ZNF407: variants seen among roughly 807,000 people sequenced by gnomAD.
ZNF407 encodes zinc finger protein 407.
ZNF407 carries 17 observed loss-of-function variants against 131.2 expected under a neutral mutation model. The observed-to-expected ratio is 0.13, with a 90% CI of 0.09 to 0.19. ZNF407 has a LOEUF of 0.19. Ranked by LOEUF, ZNF407 falls within the 10% of genes least tolerant of loss-of-function variation. The probability of loss-of-function intolerance (pLI) is 1.00; values close to 1 mark genes in which losing one functional copy is unlikely to be tolerated. For missense variants in ZNF407, 2,681 were observed against 2,830.6 expected, an observed-to-expected ratio of 0.95 and a Z score of 1.20; for synonymous variants, 1,156 against 1,062.0, an observed-to-expected ratio of 1.09 and a Z score of -1.72.
At chr18:74,810,307 T>C (rs529859522) in intron 4 of ZNF407, among the ~76,000 whole-genome samples, 8 of 151,704 alleles carry the variant, frequency 5.3e-5, no homozygotes, top group Non-Finnish European at 1.0e-4. Flanking sequence ...ATTTTAAATC[T>C]GAGTGCCAAA....
chr18:74,814,878 A>G (rs753843440), intron 4 of ZNF407, among the ~76,000 whole-genome samples: 1 of 152,146 alleles, frequency 6.6e-6, no homozygotes, highest in Middle Eastern at 3.4e-3. Flanking sequence ...TTGTTATGCT[A>G]AAGTAGAGAT....
At chr18:74,706,466 A>G (rs1967625912) in intron 3 of ZNF407, among the ~76,000 whole-genome samples, 1 of 152,112 alleles carries the variant, frequency 6.6e-6, no homozygotes, top group Non-Finnish European at 1.5e-5. Flanking sequence ...AATGTGTATT[A>G]CCCCATGAAT....
intron 4 of ZNF407, among the ~76,000 whole-genome samples, chr18:74,847,685 C>T (rs1042225833): frequency 4.6e-5 from 7 of 152,132 alleles, no homozygotes; most frequent in Non-Finnish European, 8.8e-5. Flanking sequence ...AAGTCGACAA[C>T]ATGTGTAGTG....
intron 4 of ZNF407, among the ~76,000 whole-genome samples, chr18:74,795,598 A>G (rs1172943707): frequency 2.6e-5 from 4 of 152,232 alleles, no homozygotes; most frequent in Admixed American, 1.3e-4. Flanking sequence ...ATAATTTTTG[A>G]CATCACACTT....
At chr18:74,655,774 T>C (rs959496429) in intron 3 of ZNF407, among the ~76,000 whole-genome samples, 2 of 152,188 alleles carry the variant, frequency 1.3e-5, no homozygotes, top group African/African-American at 2.4e-5. Flanking sequence ...ACTGATGTGA[T>C]TTTTATGTCC....
chr18:74,614,571 A>T (rs1019197572), intron 1 of ZNF407, among the ~76,000 whole-genome samples: 4 of 152,034 alleles, frequency 2.6e-5, no homozygotes, highest in Admixed American at 6.6e-5. Flanking sequence ...GTTATGAGAG[A>T]TTTTAGTCCA....
intron 8 of ZNF407, among the ~76,000 whole-genome samples, chr18:75,028,698 G>A (rs1973200545): frequency 6.6e-6 from 1 of 152,234 alleles, no homozygotes; most frequent in South Asian, 2.1e-4. Flanking sequence ...GCCTGCCCTT[G>A]AGAGGCAAGT....
At chr18:74,646,559 C>T (rs1984982767) in intron 3 of ZNF407, among the ~76,000 whole-genome samples, 1 of 152,178 alleles carries the variant, frequency 6.6e-6, no homozygotes, top group Non-Finnish European at 1.5e-5. Flanking sequence ...ATTGCTGTCT[C>T]TCTACCTCAG....
intron 3 of ZNF407, among the ~76,000 whole-genome samples, chr18:74,679,418 G>A (rs4891237): frequency 0.69 from 105,314 of 152,110 alleles, 37,258 homozygotes; most frequent in East Asian, 0.85. Context: ...GCTTCTGTAC[G>A]GGGTGAAGTC....
chr18:74,641,381 A>T (rs945644083), intron 3 of ZNF407, among the ~76,000 whole-genome samples: 2 of 152,196 alleles, frequency 1.3e-5, no homozygotes, highest in Admixed American at 1.3e-4. Flanking sequence ...AAATTATAGG[A>T]TGTTCATTCA....
chr18:74,817,727 A>G (rs974453815), intron 4 of ZNF407, among the ~76,000 whole-genome samples: 2 of 152,166 alleles, frequency 1.3e-5, no homozygotes, highest in Admixed American at 6.6e-5. Context: ...TTGGGCGTGT[A>G]TAATTGATCT....
At chr18:74,778,079 C>T (rs754626971) in intron 3 of ZNF407, among the ~76,000 whole-genome samples, 8 of 152,158 alleles carry the variant, frequency 5.3e-5, no homozygotes, top group Non-Finnish European at 1.0e-4. Flanking sequence ...ACAAGTCACT[C>T]CTCTGTTCAG....
intron 4 of ZNF407, among the ~76,000 whole-genome samples, chr18:74,799,543 T>C (rs756271453): frequency 6.6e-6 from 1 of 152,144 alleles, no homozygotes; most frequent in Non-Finnish European, 1.5e-5. Flanking sequence ...ATGTTAGATA[T>C]TACCTGTTGT....
chr18:74,918,431 G>A lies in ZNF407; in HGVS notation c.5250-2083G>A, dbSNP rs576906996. 3.9e-5 allele frequency among the ~76,000 whole-genome samples: 6 copies of A among 152,268 alleles called. No homozygotes were observed. The East Asian group carries it at 7.7e-4, about 20-fold the overall frequency. Reference sequence around the variant, plus strand: ...ACCTCAGAGGGTCATGCTTGCCTTCGAAGTCGCCAAGTCAGTGGAGGTACC... The same window carrying A: ...ACCTCAGAGGGTCATGCTTGCCTTCAAAGTCGCCAAGTCAGTGGAGGTACC... On this transcript the variant is annotated intron_variant, in intron 7 of 8. Coordinates refer to ENST00000299687, the MANE Select transcript of ZNF407 (RefSeq NM_017757.3).
At chr18:74,877,664 G>A (rs1971178398) in intron 5 of ZNF407, among the ~76,000 whole-genome samples, 2 of 152,178 alleles carry the variant, frequency 1.3e-5, no homozygotes, top group African/African-American at 4.8e-5. Context: ...TGTTTAACAT[G>A]TCTTTTTAGA....
At chr18:75,040,859 T>C (rs1973364176) in intron 8 of ZNF407, among the ~76,000 whole-genome samples, 1 of 152,238 alleles carries the variant, frequency 6.6e-6, no homozygotes, top group Admixed American at 6.5e-5. Flanking sequence ...TGAAACATGC[T>C]GTGACAAAGC....
intron 4 of ZNF407, among the ~76,000 whole-genome samples, chr18:74,802,373 A>G (rs1334909882): frequency 6.6e-6 from 1 of 152,156 alleles, no homozygotes; most frequent in Non-Finnish European, 1.5e-5. Context: ...TTTTCAAGTT[A>G]TTATTTTCCT....
rs34416877 is a variant in ZNF407 at position 74,881,503 on chromosome 18, C to G, written c.5128+384C>G. ...CTCCCTCTCAGTCATTCTCTCTACC[C>G]ACCTCGTAGCTAATCACCCGCCTCC... On this transcript the variant is annotated intron_variant, in intron 6 of 8. Coordinates refer to ENST00000299687, the MANE Select transcript of ZNF407 (RefSeq NM_017757.3). Among the ~76,000 whole-genome samples the G allele has an allele frequency of 3.4e-3, 519 of 152,140 alleles. 2 individuals are homozygous for G. The highest frequency in any genetic ancestry group is 0.01 in the Middle Eastern group (3 of 294).
intron 4 of ZNF407, among the ~76,000 whole-genome samples, chr18:74,793,347 C>T (rs955300423): frequency 6.6e-6 from 1 of 152,158 alleles, no homozygotes; most frequent in Non-Finnish European, 1.5e-5. Flanking sequence ...GTGTTAAATT[C>T]ACAAGTGTTT....
Sources: gnomAD v4.1 joint callset for allele counts (sites outside exome capture counted in the v4.1 genomes callset) on GRCh38, gnomAD v4.1.1 for gene constraint, MANE v1.5 for transcripts, NCBI Gene and HGNC (gene_info 2026-07-23, HGNC 2026-07-21) for gene names.